The following INTS13 variants were observed in gnomAD, a reference collection of about 807,000 sequenced individuals.
INTS13 encodes the protein integrator complex subunit 13, also known as asunder, spermatogenesis regulator homolog (Drosphila).
In INTS13, 35 loss-of-function variants were observed where a neutral mutation model predicts 90.2. The observed-to-expected ratio is 0.39, with a 90% confidence interval of 0.30 to 0.51. The LOEUF is 0.51. INTS13 is among the 20% of genes least tolerant of loss of function. The probability of loss-of-function intolerance (pLI) is 0.80; values close to 1 mark genes in which losing one functional copy is unlikely to be tolerated. For missense variants in INTS13, 601 were observed against 851.2 expected, an observed-to-expected ratio of 0.71 and a Z score of 3.66; for synonymous variants, 309 against 277.1, an observed-to-expected ratio of 1.11 and a Z score of -1.14.
intron 5 of INTS13, among the ~76,000 whole-genome samples, chr12:26,926,513 A>G (rs1937883323): frequency 6.6e-6 from 1 of 152,240 alleles, no homozygotes; most frequent in African/African-American, 2.4e-5. Flanking sequence ...AATCCTACTC[A>G]TAACAATAAC....
In INTS13 at chr12:26,917,643, C is replaced by T; in HGVS notation, c.979+1G>A. On this transcript the variant is annotated splice_donor_variant, in intron 9 of 16. Transcript: ENST00000261191. LOFTEE classifies it high-confidence loss of function. ...TTTTTCAGTTATTCTTAAATACCTA[C>T]CAATGTTATTTGTCCTTGGTGTACA... The T allele has an allele frequency of 6.2e-7, 1 of 1,608,674 alleles. No individual in the cohort carries two copies. The highest frequency in any genetic ancestry group is 1.3e-5 in the African/African-American group (1 of 74,884).
In INTS13 at chr12:26,905,232, A is replaced by C. The variant is rs137878349; in HGVS notation, c.*265T>G. 5,065 of 328,556 alleles carry C rather than the reference A, an allele frequency of 0.015. 60 individuals are homozygous for C. Among genetic ancestry groups the C allele is most frequent in the Middle Eastern group, 0.028 (33 of 1,164 alleles). 20.4% of individuals were successfully genotyped at this position (328,556 alleles called of 1,614,324 possible). On this transcript the variant is annotated 3_prime_UTR_variant, in exon 17 of 17. Coordinates refer to ENST00000261191, the MANE Select transcript of INTS13 (RefSeq NM_018164.3). ...TTTATTTCGCAAAGAGAAGCCTAAG[A>C]ATTTTTTTAAAAACATTTCCAGAGA...
At chr12:26,909,747 A>C (rs549777380) in intron 15 of INTS13, among the ~76,000 whole-genome samples, 1 of 152,370 alleles carries the variant, frequency 6.6e-6, no homozygotes, top group South Asian at 2.1e-4. Flanking sequence ...AGGCAAATAT[A>C]ATAAGATCAC....
At chr12:26,916,241 T>C (rs12809529) in intron 10 of INTS13, 61 bp from the exon 11 acceptor site, 21,281 of 1,360,202 alleles carry the variant, frequency 0.016, 186 homozygotes, top group Middle Eastern at 0.033. Flanking sequence ...ATTTATTTCC[T>C]TGAGATTTAT....
chr12:26,932,882 A>G (rs1387243208), intron 3 of INTS13, among the ~76,000 whole-genome samples: 1 of 152,246 alleles, frequency 6.6e-6, no homozygotes, highest in Non-Finnish European at 1.5e-5. Context: ...ACTCCATAAC[A>G]TGTAGATTTT....
intron 9 of INTS13, 78 bp downstream of exon 9, chr12:26,917,566 A>C: frequency 7.2e-7 from 1 of 1,398,002 alleles, no homozygotes; most frequent in South Asian, 1.2e-5. Flanking sequence ...GAAAATGCAA[A>C]ACAGAATAAA....
chr12:26,910,244 G>T (rs1332012637), intron 15 of INTS13, among the ~76,000 whole-genome samples: 1 of 152,172 alleles, frequency 6.6e-6, no homozygotes, highest in Non-Finnish European at 1.5e-5. Context: ...AAAAGAGTTT[G>T]TATTCAATAT....
chr12:26,937,384 C>T (rs1043570186), intron 1 of INTS13, among the ~76,000 whole-genome samples: 9 of 152,128 alleles, frequency 5.9e-5, no homozygotes, highest in African/African-American at 2.2e-4. Flanking sequence ...AGGATAAGGA[C>T]CCCAACTTCA....
chr12:26,921,431 T>A (rs1952116166), intron 8 of INTS13, among the ~76,000 whole-genome samples: 2 of 152,248 alleles, frequency 1.3e-5, no homozygotes, highest in African/African-American at 2.4e-5. Context: ...GCCATGGCTA[T>A]CTTTCTCAGT....
At chr12:26,912,217 C>T (rs1951797438) in intron 14 of INTS13, among the ~76,000 whole-genome samples, 1 of 152,112 alleles carries the variant, frequency 6.6e-6, no homozygotes, top group Admixed American at 6.5e-5. Context: ...GGGCAGATCG[C>T]CTGAGGTCAG....
intron 2 of INTS13, among the ~76,000 whole-genome samples, chr12:26,935,039 C>T (rs1427054249): frequency 6.6e-6 from 1 of 152,058 alleles, no homozygotes; most frequent in Admixed American, 6.5e-5. Flanking sequence ...AACCAGCCAC[C>T]GTAAAGTCAG....
chr12:26,913,595 C>T lies in INTS13; in HGVS notation c.1667G>A (p.Cys556Tyr), dbSNP rs753941687. The change falls in exon 14 of 17, where the codon TGT (cysteine) becomes TAT (tyrosine). Residue 556 changes from cysteine to tyrosine, a missense_variant. Cys to Tyr is a radical substitution (Grantham distance 194, BLOSUM62 -2). Coordinates refer to ENST00000261191, the MANE Select transcript of INTS13 (RefSeq NM_018164.3). ...NSEKHQRVLE[C>Y]LMACRSKPPE... ...GGGTTTGCTCCTGCATGCCATCAGACATTCCAAGACTCTTTGATGTTTCTC... is the reference window on the plus strand; with the variant it reads ...GGGTTTGCTCCTGCATGCCATCAGATATTCCAAGACTCTTTGATGTTTCTC... 5.0e-6 allele frequency: 8 copies of T among 1,614,140 alleles called. No individual in the cohort carries two copies. Among genetic ancestry groups the T allele is most frequent in the Non-Finnish European group, 6.8e-6 (8 of 1,180,008 alleles).
At chr12:26,909,155 G>A (rs1451081655) in intron 15 of INTS13, among the ~76,000 whole-genome samples, 1 of 152,182 alleles carries the variant, frequency 6.6e-6, no homozygotes, top group Non-Finnish European at 1.5e-5. Flanking sequence ...GAGGTCAGGA[G>A]TTCGAGACCA....
chr12:26,906,947 T>C (rs187716035), intron 15 of INTS13, among the ~76,000 whole-genome samples: 1 of 152,306 alleles, frequency 6.6e-6, no homozygotes, highest in East Asian at 1.9e-4. Context: ...AGGTAGGTAT[T>C]CTCTGCCTAA....
intron 16 of INTS13, 26 bp from the exon 17 acceptor site, chr12:26,905,562 T>G: frequency 6.2e-7 from 1 of 1,600,684 alleles, no homozygotes; most frequent in Non-Finnish European, 8.5e-7. Context: ...AAAAACGAGT[T>G]GATAAAATAA....
intron 8 of INTS13, 127 bp downstream of exon 8, chr12:26,922,489 C>T (rs916025431): frequency 3.0e-5 from 17 of 572,138 alleles, no homozygotes; most frequent in Middle Eastern, 2.8e-4. Flanking sequence ...GTATAGGGTT[C>T]GAGACCATCT....
rs1317643911 is a variant in INTS13 at position 26,928,198 on chromosome 12, T to A, written c.584+7A>T. The A allele has an allele frequency of 6.3e-7, 1 of 1,590,440 alleles. No individual in the cohort carries two copies. Among genetic ancestry groups the A allele is most frequent in the Non-Finnish European group, 8.6e-7 (1 of 1,160,042 alleles). On this transcript the variant is annotated splice_region_variant and intron_variant, in intron 5 of 16. Coordinates refer to ENST00000261191, the MANE Select transcript of INTS13 (RefSeq NM_018164.3). ...ACATATTTATTTCATTTATGAATTA[T>A]ACTCACTGATCTGAATTTGCAGCAA... is the stretch of plus-strand genomic sequence containing the variant.
rs777690730 is a variant in INTS13, at chr12:26,913,602, A to G, written c.1660T>C (p.Leu554=). The G allele has an allele frequency of 1.7e-5, 28 of 1,613,920 alleles. No homozygotes were observed. The change falls in exon 14 of 17, where the codon TTG becomes CTG. Residue 554 remains leucine, a synonymous_variant. Coordinates refer to ENST00000261191, the MANE Select transcript of INTS13 (RefSeq NM_018164.3). ...CTCCTGCATGCCATCAGACATTCCA[A>G]GACTCTTTGATGTTTCTCTGAGTTG... ...INNSEKHQRV[L]ECLMACRSKP... is the part of the protein sequence containing the mutation.
intron 5 of INTS13, among the ~76,000 whole-genome samples, chr12:26,927,126 C>T (rs1251192789): frequency 6.6e-6 from 1 of 152,258 alleles, no homozygotes; most frequent in African/African-American, 2.4e-5. Flanking sequence ...GTCTGTGCAT[C>T]TGTATCCTTC....
Sources: gnomAD v4.1 joint callset for allele counts (sites outside exome capture counted in the v4.1 genomes callset) on GRCh38, gnomAD v4.1.1 for gene constraint, MANE v1.5 for transcripts, NCBI Gene and HGNC (gene_info 2026-07-23, HGNC 2026-07-21) for gene names.